Variants in NAALADL2 observed in about 807,000 individuals in gnomAD.
NAALADL2 encodes the protein inactive N-acetylated-alpha-linked acidic dipeptidase-like protein 2.
Under a neutral mutation model 87.2 loss-of-function variants are expected in NAALADL2, and 76 were observed. The ratio of observed to expected loss-of-function variants is 0.87; its 90% CI spans 0.72 to 1.05. The LOEUF (loss-of-function observed/expected upper bound fraction) is 1.05. Among genes scored for constraint, NAALADL2 ranks in the 50% least tolerant of loss-of-function variants. The pLI is 0.00. For synonymous variants in NAALADL2, 354 were observed against 331.0 expected, an observed-to-expected ratio of 1.07 and a Z score of -0.75; for missense variants, 1,089 against 945.8, an observed-to-expected ratio of 1.15 and a Z score of -1.99.
At chr3:174,713,202 A>G (rs1049437345) in intron 2 of NAALADL2, among the ~76,000 whole-genome samples, 69 of 152,302 alleles carry the variant, frequency 4.5e-4, no homozygotes, top group African/African-American at 1.6e-3. Context: ...CCAGTCTATC[A>G]TTGACGGACA....
At chr3:175,702,329 A>G (rs538680859) in intron 11 of NAALADL2, among the ~76,000 whole-genome samples, 1 of 152,294 alleles carries the variant, frequency 6.6e-6, no homozygotes, top group African/African-American at 2.4e-5. Flanking sequence ...TCTGTAATAT[A>G]AAGTTAATGT....
chr3:174,786,128 A>G (rs759789210), intron 3 of NAALADL2, among the ~76,000 whole-genome samples: 1 of 152,068 alleles, frequency 6.6e-6, no homozygotes, highest in African/African-American at 2.4e-5. Flanking sequence ...TTTTTGCATG[A>G]TCCCTTGCTT....
At chr3:175,158,278 GA>G (rs963591614) in intron 2 of NAALADL2, among the ~76,000 whole-genome samples, 2 of 152,052 alleles carry the variant, frequency 1.3e-5, no homozygotes, top group Non-Finnish European at 2.9e-5. Context: ...CGATCAGAGA[GA>G]CCATTTCTAT....
At chr3:175,693,386 G>T (rs2149925722) in intron 11 of NAALADL2, among the ~76,000 whole-genome samples, 1 of 152,212 alleles carries the variant, frequency 6.6e-6, no homozygotes, top group Non-Finnish European at 1.5e-5. Flanking sequence ...ACACAAGCTG[G>T]AGTAACCCAA....
intron 2 of NAALADL2, among the ~76,000 whole-genome samples, chr3:175,200,356 C>A (rs564718234): frequency 2.0e-5 from 3 of 152,002 alleles, no homozygotes. Flanking sequence ...TAACTAATTT[C>A]TCTCTCTCTC....
chr3:175,630,041 T>C (rs1375377444), intron 11 of NAALADL2, among the ~76,000 whole-genome samples: 1 of 151,798 alleles, frequency 6.6e-6, no homozygotes, highest in African/African-American at 2.4e-5. Flanking sequence ...TTTTTTATGA[T>C]GACATATGAC....
At chr3:175,398,057 C>T (rs977662765) in intron 5 of NAALADL2, among the ~76,000 whole-genome samples, 2 of 152,072 alleles carry the variant, frequency 1.3e-5, no homozygotes, top group African/African-American at 4.8e-5. Flanking sequence ...AATGAACAAA[C>T]AAAACTATGA....
intron 2 of NAALADL2, among the ~76,000 whole-genome samples, chr3:175,162,460 G>A (rs1008987577): frequency 2.6e-5 from 4 of 152,112 alleles, no homozygotes; most frequent in Non-Finnish European, 5.9e-5. Context: ...AATAGAGATG[G>A]AGGTATCATT....
intron 4 of NAALADL2, among the ~76,000 whole-genome samples, chr3:175,307,346 T>C (rs1225267580): frequency 6.6e-6 from 1 of 152,088 alleles, no homozygotes; most frequent in Non-Finnish European, 1.5e-5. Flanking sequence ...TGAAATATAA[T>C]AGTATTTCTA....
intron 10 of NAALADL2, among the ~76,000 whole-genome samples, chr3:175,623,809 C>G (rs1371807731): frequency 2.0e-5 from 3 of 151,892 alleles, no homozygotes; most frequent in Non-Finnish European, 2.9e-5. Flanking sequence ...CAAAAATGCT[C>G]CTGAGTTCTC....
intron 2 of NAALADL2, among the ~76,000 whole-genome samples, chr3:174,602,556 A>G: frequency 6.6e-6 from 1 of 152,118 alleles, no homozygotes; most frequent in South Asian, 2.1e-4. Context: ...ATAATTTGAA[A>G]ATTATATTTC....
chr3:175,004,340 C>G (rs138727829), intron 1 of NAALADL2, among the ~76,000 whole-genome samples: 1 of 132,822 alleles, frequency 7.5e-6, no homozygotes, highest in Non-Finnish European at 1.5e-5. Context: ...GTTCACGCCT[C>G]TACACTCCAG....
At position 174,797,182 on chromosome 3, in the gene NAALADL2, G is replaced by A. The variant is rs577912403; in HGVS notation, c.-9+59436G>A. On this transcript the variant is annotated intron_variant, in intron 3 of 3. Coordinates refer to the NAALADL2 transcript ENST00000434257. Reference sequence around the variant, plus strand: ...TTTCATTCTTCTGCATTTGGCAATCGAATTTTCCCAGCACCATCTATTGAA... The same window carrying A: ...TTTCATTCTTCTGCATTTGGCAATCAAATTTTCCCAGCACCATCTATTGAA... Among the ~76,000 whole-genome samples the A allele has an allele frequency of 2.6e-5, 4 of 151,822 alleles. No homozygotes were observed. The South Asian group carries it at 8.3e-4, about 32-fold the overall frequency.
At chr3:175,367,813 T>A (rs1765843624) in intron 5 of NAALADL2, among the ~76,000 whole-genome samples, 1 of 152,212 alleles carries the variant, frequency 6.6e-6, no homozygotes, top group African/African-American at 2.4e-5. Flanking sequence ...AGGGACAGTT[T>A]GACTTCCTCT....
At chr3:175,386,828 A>C (rs1180788426) in intron 5 of NAALADL2, among the ~76,000 whole-genome samples, 1 of 152,036 alleles carries the variant, frequency 6.6e-6, no homozygotes, top group Non-Finnish European at 1.5e-5. Flanking sequence ...TTATCAGATC[A>C]ACTGTTGCGG....
At chr3:175,663,815 A>G (rs574655162) in intron 11 of NAALADL2, among the ~76,000 whole-genome samples, 1 of 152,012 alleles carries the variant, frequency 6.6e-6, no homozygotes, top group Non-Finnish European at 1.5e-5. Flanking sequence ...GATTGGTGGT[A>G]TTTGTAATAT....
chr3:175,003,485 A>G (rs775011587), intron 1 of NAALADL2, among the ~76,000 whole-genome samples: 1 of 152,220 alleles, frequency 6.6e-6, no homozygotes, highest in Non-Finnish European at 1.5e-5. Context: ...TATGTATGAA[A>G]TTGACATTCA....
At chr3:175,250,289 G>GT (rs1748826915) in intron 3 of NAALADL2, among the ~76,000 whole-genome samples, 2 of 144,352 alleles carry the variant, frequency 1.4e-5, no homozygotes, top group Non-Finnish European at 3.0e-5. Context: ...GTGTGTGTGT[G>GT]GTGTGTTTGT....
chr3:175,089,153 C>T (rs1719612556), intron 1 of NAALADL2, among the ~76,000 whole-genome samples: 1 of 152,088 alleles, frequency 6.6e-6, no homozygotes, highest in Non-Finnish European at 1.5e-5. Flanking sequence ...CATAGCCTGC[C>T]AGAGTGCTGT....
Sources: allele counts gnomAD v4.1 joint callset (sites outside exome capture counted in the v4.1 genomes callset), GRCh38; gene constraint gnomAD v4.1.1; transcripts MANE v1.5; gene names NCBI Gene and HGNC (gene_info 2026-07-23, HGNC 2026-07-21).